NAV3: variants seen among roughly 807,000 people sequenced by gnomAD.
The protein encoded by NAV3 is pore membrane and/or filament interacting like protein 1.
Under a neutral mutation model 244.7 loss-of-function variants are expected in NAV3, and 87 were observed. The observed-to-expected ratio is 0.36, with a 90% confidence interval of 0.30 to 0.42. The LOEUF (loss-of-function observed/expected upper bound fraction) is 0.42. Among genes scored for constraint, NAV3 ranks in the 20% least tolerant of loss-of-function variants. The probability of loss-of-function intolerance (pLI) is 1.00; values close to 1 mark genes in which losing one functional copy is unlikely to be tolerated. For missense variants in NAV3, 2,663 were observed against 2,893.3 expected (o/e 0.92, Z 1.83); for synonymous variants, 1,126 against 1,042.2 (o/e 1.08, Z -1.55).
At chr12:78,142,685 A>ATT in intron 20 of NAV3, among the ~76,000 whole-genome samples, 1 of 96,002 alleles carries the variant, frequency 1.0e-5, no homozygotes. Context: ...ATATATGTGT[A>ATT]TATATATACA....
chr12:78,182,540 AG>A (rs1565772807), intron 30 of NAV3, among the ~76,000 whole-genome samples: 2 of 152,000 alleles, frequency 1.3e-5, no homozygotes, highest in African/African-American at 2.4e-5. Flanking sequence ...AAGGTGGTTT[AG>A]AAAAAACAGA....
intron 2 of NAV3, among the ~76,000 whole-genome samples, chr12:77,654,714 G>A (rs889908089): frequency 6.6e-6 from 1 of 152,084 alleles, no homozygotes; most frequent in Non-Finnish European, 1.5e-5. Context: ...CCCCAGTAGG[G>A]GCAGACTGAC....
chr12:77,638,370 A>C (rs17793522), intron 2 of NAV3, among the ~76,000 whole-genome samples: 3,778 of 152,300 alleles, frequency 0.025, 61 homozygotes, highest in Middle Eastern at 0.082. Context: ...ATTTTTGTTG[A>C]AGACTAGAAA....
chr12:78,117,912 A>C, intron 13 of NAV3, 115 bp from the exon 14 acceptor site: 2 of 1,050,370 alleles, frequency 1.9e-6, no homozygotes, highest in South Asian at 5.1e-5. Context: ...AGTGAAGGTA[A>C]ATCAAAATAG....
intron 22 of NAV3, among the ~76,000 whole-genome samples, chr12:78,152,009 A>T (rs1957098993): frequency 6.6e-6 from 1 of 151,596 alleles, no homozygotes. Flanking sequence ...CTAAAATATA[A>T]ATCACCTAAA....
At chr12:77,660,817 A>G (rs752502273) in intron 2 of NAV3, among the ~76,000 whole-genome samples, 9 of 152,148 alleles carry the variant, frequency 5.9e-5, no homozygotes, top group Non-Finnish European at 1.0e-4. Flanking sequence ...TGCCTTTCCT[A>G]TAAATATTGT....
chr12:77,907,160 G>A (rs1478741046), intron 1 of NAV3, among the ~76,000 whole-genome samples: 1 of 152,174 alleles, frequency 6.6e-6, no homozygotes, highest in African/African-American at 2.4e-5. Flanking sequence ...ATAAACAAAG[G>A]TAAATCAAAG....
chr12:77,964,872 A>G (rs1892373518), intron 3 of NAV3, among the ~76,000 whole-genome samples: 1 of 152,090 alleles, frequency 6.6e-6, no homozygotes, highest in Admixed American at 6.5e-5. Flanking sequence ...ATATCATTGT[A>G]TATTATCAAT....
chr12:78,083,056 A>G (rs1012417292), intron 12 of NAV3, among the ~76,000 whole-genome samples: 1 of 152,210 alleles, frequency 6.6e-6, no homozygotes, highest in Non-Finnish European at 1.5e-5. Context: ...AGGAAAAGAA[A>G]TTCACATCTT....
At chr12:77,639,506 T>C (rs1384511770) in intron 2 of NAV3, among the ~76,000 whole-genome samples, 2 of 152,162 alleles carry the variant, frequency 1.3e-5, no homozygotes, top group Non-Finnish European at 2.9e-5. Context: ...AGAACAGAGA[T>C]TTTTCTACTT....
chr12:78,128,156 T>C (rs1423563181), intron 17 of NAV3, among the ~76,000 whole-genome samples: 1 of 152,078 alleles, frequency 6.6e-6, no homozygotes, highest in African/African-American at 2.4e-5. Context: ...TCCATGTTAA[T>C]ATTTTGATCC....
intron 2 of NAV3, among the ~76,000 whole-genome samples, chr12:77,582,723 C>T (rs1224356303): frequency 6.6e-6 from 1 of 152,090 alleles, no homozygotes; most frequent in Admixed American, 6.6e-5. Flanking sequence ...TGAGTACACG[C>T]ATGTATGTGA....
At chr12:77,916,357 CA>C (rs145884475) in intron 1 of NAV3, among the ~76,000 whole-genome samples, 16,769 of 151,886 alleles carry the variant, frequency 0.11, 1,058 homozygotes, top group South Asian at 0.2. Context: ...AAAGACTAAA[CA>C]TAAGTCTCTT....
chr12:77,876,561 G>C (rs934430322), intron 1 of NAV3, among the ~76,000 whole-genome samples: 1 of 152,048 alleles, frequency 6.6e-6, no homozygotes, highest in African/African-American at 2.4e-5. Context: ...ATGATGAATT[G>C]TATTTGTAAC....
In NAV3 at chr12:77,867,155, C is replaced by T. The variant is rs140728369; in HGVS notation, c.243+35451C>T. Among the ~76,000 whole-genome samples, 224 of 152,174 alleles carry T rather than the reference C, an allele frequency of 1.5e-3. 2 individuals carry two copies. The highest frequency in any genetic ancestry group is 5.0e-3 in the African/African-American group (208 of 41,518). ...ATTCCCATGTGTTATGGGAGGGACC[C>T]GGTGGGAGATAATTGAATCATGGGG... On this transcript the variant is annotated intron_variant, in intron 1 of 39. Transcript: ENST00000397909.
At chr12:78,017,398 G>A (rs1208104283) in intron 8 of NAV3, among the ~76,000 whole-genome samples, 12 of 152,168 alleles carry the variant, frequency 7.9e-5, no homozygotes, top group Admixed American at 5.2e-4. Context: ...GCTTTAGTGC[G>A]CTCCAGCCGG....
intron 9 of NAV3, among the ~76,000 whole-genome samples, chr12:78,022,363 A>G (rs949484309): frequency 1.3e-5 from 2 of 152,166 alleles, no homozygotes; most frequent in Admixed American, 6.5e-5. Flanking sequence ...GTGTGTATCA[A>G]ATGGGATGCT....
At chr12:77,724,854 TA>T in intron 2 of NAV3, among the ~76,000 whole-genome samples, 1 of 152,174 alleles carries the variant, frequency 6.6e-6, no homozygotes, top group South Asian at 2.1e-4. Context: ...GTCAACTTCA[TA>T]AAGAAAGTTT....
chr12:78,170,205 A>G (rs769700229), intron 24 of NAV3, among the ~76,000 whole-genome samples: 30 of 151,650 alleles, frequency 2.0e-4, no homozygotes, highest in Admixed American at 6.6e-5. Context: ...CCAAATTTGC[A>G]CTTGTCTTCT....
Sources: allele counts gnomAD v4.1 joint callset (sites outside exome capture counted in the v4.1 genomes callset), GRCh38; gene constraint gnomAD v4.1.1; transcripts MANE v1.5; gene names NCBI Gene and HGNC (gene_info 2026-07-23, HGNC 2026-07-21).